MFSD6: variants seen among roughly 807,000 people sequenced by gnomAD.
MFSD6 encodes major facilitator superfamily domain-containing protein 6.
MFSD6 carries 26 observed loss-of-function variants against 56.3 expected under a neutral mutation model. That is an observed-to-expected ratio of 0.46 (90% CI 0.34 to 0.64). The LOEUF (loss-of-function observed/expected upper bound fraction) is 0.64, where lower values mean the gene tolerates loss of function less well. Among genes scored for constraint, MFSD6 ranks in the 30% least tolerant of loss-of-function variants. MFSD6 has a pLI of 0.01. For synonymous variants in MFSD6, 331 were observed against 366.9 expected (o/e 0.90, Z 1.12); for missense variants, 750 against 986.2 (o/e 0.76, Z 3.21).
intron 1 of MFSD6, chr2:190,411,871 G>A (rs1690579043): frequency 3.0e-6 from 3 of 985,188 alleles, no homozygotes; most frequent in Admixed American, 1.2e-4. Context: ...CTTGATTAGG[G>A]GTGATAAGAA....
rs184679897 is a variant in MFSD6 at position 190,495,106 on chromosome 2, G to T, written c.1892-2333G>T. Reference sequence around the variant, plus strand: ...GATTGTATACCTAGAAAACCCTAAAGACTCCTCCTAAAAGCTCTTAGAACT... The same window carrying T: ...GATTGTATACCTAGAAAACCCTAAATACTCCTCCTAAAAGCTCTTAGAACT... On this transcript the variant is annotated intron_variant, in intron 6 of 7. Coordinates refer to ENST00000392328, the MANE Select transcript of MFSD6 (RefSeq NM_017694.4). This position sits in a 1 kb window ranked among gnomAD's most constrained non-coding sequence, Gnocchi z 4.7. 6.6e-6 allele frequency among the ~76,000 whole-genome samples: 1 copy of T among 152,212 alleles called. No individual in the cohort carries two copies. The highest frequency in any genetic ancestry group is 2.4e-5 in the African/African-American group (1 of 41,534).
chr2:190,466,420 C>A (rs1303492514), intron 3 of MFSD6, among the ~76,000 whole-genome samples: 1 of 152,196 alleles, frequency 6.6e-6, no homozygotes, highest in Admixed American at 6.5e-5. Context: ...TCTTTCTGCT[C>A]ACAATTTTAC....
rs146690108 is a variant in MFSD6, at chr2:190,489,499, A to G, written c.1793-269A>G. Among the ~76,000 whole-genome samples, 1 of 152,224 alleles carries G rather than the reference A, an allele frequency of 6.6e-6. No individual in the cohort carries two copies. ...GAAGAGGAGAGCACCATTGAATTGT[A>G]TGAGTCATGGTGAAAGGCACTGAGA... On this transcript the variant is annotated intron_variant, in intron 5 of 7. Transcript: ENST00000392328. The surrounding 1 kb of genome is among the most constrained non-coding windows in gnomAD (Gnocchi z 6.6).
At chr2:190,449,422 C>T (rs1477536908) in intron 3 of MFSD6, among the ~76,000 whole-genome samples, 3 of 151,708 alleles carry the variant, frequency 2.0e-5, no homozygotes, top group Admixed American at 6.6e-5. Context: ...TGCAGTGAGC[C>T]GAGATGGCAC....
rs1336231879 is a variant in MFSD6, at chr2:190,456,242, G to T, written c.1533-13516G>T. On this transcript the variant is annotated intron_variant, in intron 3 of 7. Transcript: ENST00000392328. This position sits in a 1 kb window ranked among gnomAD's most constrained non-coding sequence, Gnocchi z 5.4. ...AGGTGTGAGCCACCATGCCTGGCCT[G>T]CTCTACTTTTTTCCTTACTTGAAAA... Among the ~76,000 whole-genome samples, 2 of 152,030 alleles carry T rather than the reference G, an allele frequency of 1.3e-5. No individual in the cohort carries two copies. Among genetic ancestry groups the T allele is most frequent in the African/African-American group, 4.8e-5 (2 of 41,402 alleles).
intron 2 of MFSD6, among the ~76,000 whole-genome samples, chr2:190,428,477 G>A (rs1685853485): frequency 6.6e-6 from 1 of 152,092 alleles, no homozygotes; most frequent in African/African-American, 2.4e-5. Context: ...TACAGGTTGA[G>A]CATCCCTTAT....
intron 1 of MFSD6, chr2:190,411,927 T>A (rs953355615): frequency 1.0e-6 from 1 of 985,366 alleles, no homozygotes; most frequent in Non-Finnish European, 1.2e-6. Context: ...TTTGGAAGCA[T>A]GATTGTTCTG....
rs1361513568 is a variant in MFSD6, at chr2:190,499,685, G to A, written c.2173-330G>A. On this transcript the variant is annotated intron_variant, in intron 7 of 7. Transcript: ENST00000392328. This position sits in a 1 kb window ranked among gnomAD's most constrained non-coding sequence, Gnocchi z 6.0. Reference sequence around the variant, plus strand: ...AGTTATTCCATAGTGCTTGCCCAGCGACTTGCCACATGGCTTGGGGGGCTC... The same window carrying A: ...AGTTATTCCATAGTGCTTGCCCAGCAACTTGCCACATGGCTTGGGGGGCTC... 5 of 836,190 alleles carry A rather than the reference G, an allele frequency of 6.0e-6. No homozygotes were observed. The highest frequency in any genetic ancestry group is 5.3e-5 in the African/African-American group (3 of 56,410). 51.8% of individuals were successfully genotyped at this position (836,190 alleles called of 1,614,324 possible).
chr2:190,461,861 G>C lies in MFSD6; in HGVS notation c.1533-7897G>C, dbSNP rs1181740469. Among the ~76,000 whole-genome samples the C allele has an allele frequency of 6.6e-6, 1 of 151,724 alleles. No homozygotes were observed. The highest frequency in any genetic ancestry group is 1.5e-5 in the Non-Finnish European group (1 of 67,938). On this transcript the variant is annotated intron_variant, in intron 3 of 7. Coordinates refer to ENST00000392328, the MANE Select transcript of MFSD6 (RefSeq NM_017694.4). This position sits in a 1 kb window ranked among gnomAD's most constrained non-coding sequence, Gnocchi z 5.5. The stretch of plus-strand genomic sequence containing the variant: ...CCAGTTTTAATTTTTTTTTTAGTGT[G>C]GAACATGAACCTTAATATACTTTCA...
At position 190,451,070 on chromosome 2, in the gene MFSD6, C is replaced by G. The variant is rs997771548; in HGVS notation, c.1532+13509C>G. ...CTTGACTCCAGTCATCATCCTAAGC[C>G]CTGGTAGGATCGTTGAGTAGTGTAG... On this transcript the variant is annotated intron_variant, in intron 3 of 7. Coordinates refer to ENST00000392328, the MANE Select transcript of MFSD6 (RefSeq NM_017694.4). This position sits in a 1 kb window ranked among gnomAD's most constrained non-coding sequence, Gnocchi z 5.0. 1.3e-5 allele frequency among the ~76,000 whole-genome samples: 2 copies of G among 152,124 alleles called. No homozygotes were observed. Among genetic ancestry groups the G allele is most frequent in the African/African-American group, 4.8e-5 (2 of 41,418 alleles).
rs13399195 is a variant in MFSD6 at position 190,460,163 on chromosome 2, G to A, written c.1533-9595G>A. 4.9e-3 allele frequency among the ~76,000 whole-genome samples: 743 copies of A among 152,296 alleles called. 3 individuals carry two copies. The highest frequency in any genetic ancestry group is 0.017 in the African/African-American group (692 of 41,560). On this transcript the variant is annotated intron_variant, in intron 3 of 7. Transcript: ENST00000392328. ...GTGCTGAAGTTCCATTGCACAGTGCGTCAGGATGCTCCAAATAAACAAACT... is the reference window on the plus strand; with the variant it reads ...GTGCTGAAGTTCCATTGCACAGTGCATCAGGATGCTCCAAATAAACAAACT...
In MFSD6 at chr2:190,431,369, G is replaced by T. The variant is rs1159581706; in HGVS notation, c.-53-4608G>T. On this transcript the variant is annotated intron_variant, in intron 2 of 7. Coordinates refer to ENST00000392328, the MANE Select transcript of MFSD6 (RefSeq NM_017694.4). The surrounding 1 kb of genome is among the most constrained non-coding windows in gnomAD (Gnocchi z 4.4). Reference sequence around the variant, plus strand: ...CAAGGCAGGCAGCTGGGAGGTGGAGGTTGTAGCGAGCCGAGATCACCCCAC... The same window carrying T: ...CAAGGCAGGCAGCTGGGAGGTGGAGTTTGTAGCGAGCCGAGATCACCCCAC... Among the ~76,000 whole-genome samples, 3 of 152,234 alleles carry T rather than the reference G, an allele frequency of 2.0e-5. No homozygotes were observed. The highest frequency in any genetic ancestry group is 4.8e-5 in the African/African-American group (2 of 41,462).
chr2:190,448,931 GCC>G (rs1467221724), intron 3 of MFSD6, among the ~76,000 whole-genome samples: 1 of 152,154 alleles, frequency 6.6e-6, no homozygotes, highest in African/African-American at 2.4e-5. Flanking sequence ...CTGTAGAAGA[GCC>G]AAATGTGTGT....
rs998229863 is a variant in MFSD6, at chr2:190,499,990, G to A, written c.2173-25G>A. 5.0e-6 allele frequency: 8 copies of A among 1,611,628 alleles called. No homozygotes were observed. Among genetic ancestry groups the A allele is most frequent in the Non-Finnish European group, 6.8e-6 (8 of 1,177,902 alleles). ...ATTTATTTGCTATCACTGATCATGGGGCATCTCCTGTTTTTTACCTCCAGG... is the reference window on the plus strand; with the variant it reads ...ATTTATTTGCTATCACTGATCATGGAGCATCTCCTGTTTTTTACCTCCAGG... On this transcript the variant is annotated intron_variant, in intron 7 of 7. Coordinates refer to ENST00000392328, the MANE Select transcript of MFSD6 (RefSeq NM_017694.4). This position sits in a 1 kb window ranked among gnomAD's most constrained non-coding sequence, Gnocchi z 6.0.
At chr2:190,477,413 T>C in intron 4 of MFSD6, 12 of 933,698 alleles carry the variant, frequency 1.3e-5, no homozygotes, top group Non-Finnish European at 1.5e-5. Flanking sequence ...CTATATATTA[T>C]AATAATACAT....
In MFSD6 at chr2:190,488,525, G is replaced by T. The variant is rs1689147535; in HGVS notation, c.1631-132G>T. ...CCGTACATTTAAAAATGTGAAAATG[G>T]TAAATTTTTAATGTATGTTTTCCCA... is the stretch of plus-strand genomic sequence containing the variant. On this transcript the variant is annotated intron_variant, in intron 4 of 7. Coordinates refer to ENST00000392328, the MANE Select transcript of MFSD6 (RefSeq NM_017694.4). The surrounding 1 kb of genome is among the most constrained non-coding windows in gnomAD (Gnocchi z 6.4). 9.3e-6 allele frequency: 8 copies of T among 861,954 alleles called. No homozygotes were observed. The highest frequency in any genetic ancestry group is 1.3e-5 in the Non-Finnish European group (8 of 604,764). The allele number at this position is 861,954 out of a possible 1,614,324, so 53.4% of individuals were successfully genotyped here. A position where few individuals can be genotyped will look rare whatever the true frequency, so the allele number is the denominator to read the frequency against.
At position 190,458,052 on chromosome 2, in the gene MFSD6, C is replaced by T. The variant is rs545047135; in HGVS notation, c.1533-11706C>T. The stretch of plus-strand genomic sequence containing the variant: ...CTCTGACTGTTGAGGCCCGAGGAAG[C>T]TGCCAGCGGTGTCACACACTCTGTT... On this transcript the variant is annotated intron_variant, in intron 3 of 7. Coordinates refer to ENST00000392328, the MANE Select transcript of MFSD6 (RefSeq NM_017694.4). The surrounding 1 kb of genome is among the most constrained non-coding windows in gnomAD (Gnocchi z 5.3). Among the ~76,000 whole-genome samples the T allele has an allele frequency of 2.6e-5, 4 of 152,294 alleles. No individual in the cohort carries two copies. In the South Asian group the frequency reaches 8.3e-4, roughly 32 times the overall value.
chr2:190,411,218 G>A (rs1690552420), intron 1 of MFSD6: 1 of 785,286 alleles, frequency 1.3e-6, no homozygotes, highest in Non-Finnish European at 1.5e-6. Flanking sequence ...GGAGTGCAGT[G>A]GCTCGATCTC....
chr2:190,493,993 G>A (rs1182142534), intron 6 of MFSD6, among the ~76,000 whole-genome samples: 2 of 149,598 alleles, frequency 1.3e-5, no homozygotes, highest in African/African-American at 2.5e-5. Context: ...GCAGAAGAAA[G>A]GAAATAACCA....
Sources: allele counts gnomAD v4.1 joint callset (sites outside exome capture counted in the v4.1 genomes callset), GRCh38; gene constraint gnomAD v4.1.1; non-coding constraint Gnocchi (gnomAD v3.1); transcripts MANE v1.5; gene names NCBI Gene and HGNC (gene_info 2026-07-23, HGNC 2026-07-21).